NKAIN3: variants seen among roughly 807,000 people sequenced by gnomAD.
NKAIN3 encodes sodium/potassium-transporting ATPase subunit beta-1-interacting protein 3.
In NKAIN3, 25 loss-of-function variants were observed where a neutral mutation model predicts 30.2. The ratio of observed to expected loss-of-function variants is 0.83; its 90% CI spans 0.60 to 1.16. The LOEUF is 1.16. Among genes scored for constraint, NKAIN3 ranks in the 50% most tolerant of loss-of-function variants. NKAIN3 has a pLI of 0.00. For missense variants in NKAIN3, 225 were observed against 254.1 expected, an observed-to-expected ratio of 0.89 and a Z score of 0.78; for synonymous variants, 91 against 89.6, an observed-to-expected ratio of 1.02 and a Z score of -0.09.
At chr8:62,410,657 C>T (rs1182333258) in intron 1 of NKAIN3, among the ~76,000 whole-genome samples, 1 of 151,922 alleles carries the variant, frequency 6.6e-6, no homozygotes, top group Non-Finnish European at 1.5e-5. Context: ...CAAATAAGTG[C>T]AATCAGAAAT....
chr8:62,817,799 C>T (rs887908996), intron 4 of NKAIN3, among the ~76,000 whole-genome samples: 7 of 152,184 alleles, frequency 4.6e-5, no homozygotes, highest in African/African-American at 1.7e-4. Flanking sequence ...CCACATTTCT[C>T]TCTAAAGATT....
chr8:62,284,981 C>G (rs977880050), intron 1 of NKAIN3, among the ~76,000 whole-genome samples: 1 of 152,078 alleles, frequency 6.6e-6, no homozygotes, highest in African/African-American at 2.4e-5. Context: ...AATAGCAAAG[C>G]AGTTTTTTAA....
chr8:62,577,448 C>T (rs966827351), intron 1 of NKAIN3, among the ~76,000 whole-genome samples: 1 of 139,642 alleles, frequency 7.2e-6, no homozygotes, highest in Non-Finnish European at 1.5e-5. Context: ...TTTAAAATAG[C>T]GTGGGTGTTT....
chr8:62,794,182 C>G (rs1817784025), intron 4 of NKAIN3, among the ~76,000 whole-genome samples: 1 of 152,140 alleles, frequency 6.6e-6, no homozygotes, highest in Admixed American at 6.6e-5. Context: ...GCACATAAAG[C>G]CTATTAATTT....
chr8:62,624,888 A>G (rs774848899), intron 3 of NKAIN3, among the ~76,000 whole-genome samples: 6 of 151,526 alleles, frequency 4.0e-5, no homozygotes, highest in Non-Finnish European at 7.4e-5. Context: ...TATCCAGTCT[A>G]CCAGTGAGTC....
intron 4 of NKAIN3, among the ~76,000 whole-genome samples, chr8:62,805,865 A>C (rs930152192): frequency 2.6e-5 from 4 of 152,238 alleles, no homozygotes; most frequent in Non-Finnish European, 5.9e-5. Context: ...GTATACAGGC[A>C]ACCTACAAAA....
At chr8:62,481,369 C>A (rs570986407) in intron 1 of NKAIN3, among the ~76,000 whole-genome samples, 1 of 152,166 alleles carries the variant, frequency 6.6e-6, no homozygotes, top group Non-Finnish European at 1.5e-5. Flanking sequence ...GGTGGCACTT[C>A]CTCCGAGAAG....
At chr8:62,694,813 G>A (rs1345238703) in intron 3 of NKAIN3, among the ~76,000 whole-genome samples, 1 of 152,108 alleles carries the variant, frequency 6.6e-6, no homozygotes, top group African/African-American at 2.4e-5. Context: ...ATGGAGTAAA[G>A]TTCAAATTAC....
intron 4 of NKAIN3, among the ~76,000 whole-genome samples, chr8:62,757,823 A>G (rs79612312): frequency 0.026 from 4,015 of 152,302 alleles, 185 homozygotes; most frequent in African/African-American, 0.091. Context: ...GAAAGGTTGA[A>G]GATAATGATG....
At chr8:62,833,807 C>A (rs546024634) in intron 4 of NKAIN3, among the ~76,000 whole-genome samples, 1 of 152,072 alleles carries the variant, frequency 6.6e-6, no homozygotes, top group Non-Finnish European at 1.5e-5. Flanking sequence ...GGGAGGGACT[C>A]CTCCCTAACT....
chr8:62,323,396 G>A (rs1489594903), intron 1 of NKAIN3, among the ~76,000 whole-genome samples: 6 of 152,130 alleles, frequency 3.9e-5, no homozygotes, highest in Admixed American at 1.3e-4. Context: ...ATTGAGGCAC[G>A]GGAAAGTTTT....
chr8:62,495,574 A>G (rs1418724310), intron 1 of NKAIN3, among the ~76,000 whole-genome samples: 1 of 149,524 alleles, frequency 6.7e-6, no homozygotes, highest in Non-Finnish European at 1.5e-5. Context: ...TTATATAAAT[A>G]TAATATAAAA....
In NKAIN3 at chr8:62,906,864, C is replaced by T. The variant is rs532117302; in HGVS notation, c.472-11589C>T. 2.6e-5 allele frequency among the ~76,000 whole-genome samples: 4 copies of T among 152,084 alleles called. No homozygotes were observed. The East Asian group carries it at 7.7e-4, about 29-fold the overall frequency. ...TCTTTATTAGCAGTGTGAGAACAGACTAATACAGTAAATTGGTGCCAGGAG... is the reference window on the plus strand; with the variant it reads ...TCTTTATTAGCAGTGTGAGAACAGATTAATACAGTAAATTGGTGCCAGGAG... On this transcript the variant is annotated intron_variant, in intron 4 of 6. Transcript: ENST00000623646.
At chr8:62,913,152 ATTTT>A (rs5891881) in intron 4 of NKAIN3, among the ~76,000 whole-genome samples, 1 of 151,358 alleles carries the variant, frequency 6.6e-6, no homozygotes, top group African/African-American at 2.4e-5. Context: ...TGCATTGAAC[ATTTT>A]TTTTTTTTAG....
chr8:62,943,542 T>C (rs1038477900), intron 5 of NKAIN3, among the ~76,000 whole-genome samples: 26 of 152,100 alleles, frequency 1.7e-4, no homozygotes, highest in African/African-American at 5.8e-4. Flanking sequence ...CTACTGGGTA[T>C]CTACCCAGAG....
At chr8:62,410,771 A>G (rs1159250450) in intron 1 of NKAIN3, among the ~76,000 whole-genome samples, 1 of 152,194 alleles carries the variant, frequency 6.6e-6, no homozygotes, top group African/African-American at 2.4e-5. Context: ...AGAGAAAATG[A>G]TGAATTCCTG....
At chr8:62,927,741 T>C (rs1822493088) in intron 5 of NKAIN3, among the ~76,000 whole-genome samples, 2 of 152,184 alleles carry the variant, frequency 1.3e-5, no homozygotes, top group Admixed American at 6.5e-5. Flanking sequence ...TGTCATTATG[T>C]CCTTAAAATA....
chr8:62,601,667 T>C (rs914368990), intron 3 of NKAIN3, among the ~76,000 whole-genome samples: 2 of 152,024 alleles, frequency 1.3e-5, no homozygotes, highest in Non-Finnish European at 2.9e-5. Flanking sequence ...TTATTAAGGA[T>C]CTGTAAAGGG....
intron 1 of NKAIN3, among the ~76,000 whole-genome samples, chr8:62,305,275 A>G (rs1814192858): frequency 6.7e-6 from 1 of 150,374 alleles, no homozygotes; most frequent in Non-Finnish European, 1.5e-5. Context: ...TCTATGAAAT[A>G]CGACTTTAAA....
Sources: gnomAD v4.1 joint callset for allele counts (sites outside exome capture counted in the v4.1 genomes callset) on GRCh38, gnomAD v4.1.1 for gene constraint, MANE v1.5 for transcripts, NCBI Gene and HGNC (gene_info 2026-07-23, HGNC 2026-07-21) for gene names.